Variants in TENM3 observed in about 807,000 individuals in gnomAD.
The protein encoded by TENM3 is teneurin-3.
TENM3 carries 63 observed loss-of-function variants against 255.1 expected under a neutral mutation model. The ratio of observed to expected loss-of-function variants is 0.25; its 90% CI spans 0.20 to 0.30. TENM3 has a LOEUF of 0.30. TENM3 is among the 10% of genes least tolerant of loss of function. TENM3 has a pLI of 1.00. For missense variants in TENM3, 2,929 were observed against 3,461.1 expected, an observed-to-expected ratio of 0.85 and a Z score of 3.86; for synonymous variants, 1,306 against 1,322.3, an observed-to-expected ratio of 0.99 and a Z score of 0.27.
chr4:182,272,529 A>G (rs1352102857), intron 1 of TENM3, among the ~76,000 whole-genome samples: 2 of 152,230 alleles, frequency 1.3e-5, no homozygotes, highest in African/African-American at 2.4e-5. Flanking sequence ...CGACACATAC[A>G]TAAGAACTCA....
At chr4:181,554,931 T>C in the TENM3 span, among the ~76,000 whole-genome samples, 1 of 152,220 alleles carries the variant, frequency 6.6e-6, no homozygotes, top group African/African-American at 2.4e-5. Context: ...AGTTTATTTT[T>C]AATACTTTGA....
intron 5 of TENM3, among the ~76,000 whole-genome samples, chr4:182,642,575 A>G (rs552049613): frequency 2.0e-5 from 3 of 152,346 alleles, no homozygotes; most frequent in Non-Finnish European, 4.4e-5. Flanking sequence ...GATAGCCAAT[A>G]TGATTCTTTT....
chr4:182,102,976 T>C, the TENM3 span, among the ~76,000 whole-genome samples: 4 of 152,182 alleles, frequency 2.6e-5, no homozygotes, highest in Non-Finnish European at 5.9e-5. Context: ...CAGTGGCAAT[T>C]TAAGGAGACA....
chr4:182,210,863 C>G (rs551551606), intron 1 of TENM3, among the ~76,000 whole-genome samples: 21 of 152,130 alleles, frequency 1.4e-4, no homozygotes, highest in Non-Finnish European at 2.8e-4. Context: ...CTCCGTAGAC[C>G]GGTGTGTATC....
intron 3 of TENM3, among the ~76,000 whole-genome samples, chr4:182,449,998 T>G (rs1039355788): frequency 6.6e-6 from 1 of 152,230 alleles, no homozygotes; most frequent in Non-Finnish European, 1.5e-5. Context: ...CTCTGGAATA[T>G]CTTATAAATG....
At chr4:182,625,940 C>T (rs1464397856) in intron 4 of TENM3, among the ~76,000 whole-genome samples, 1 of 152,176 alleles carries the variant, frequency 6.6e-6, no homozygotes, top group East Asian at 1.9e-4. Context: ...CTTTTTGGTA[C>T]TGCTTGTGAG....
At chr4:182,357,403 T>C (rs1448741875) in intron 3 of TENM3, among the ~76,000 whole-genome samples, 3 of 152,138 alleles carry the variant, frequency 2.0e-5, no homozygotes, top group African/African-American at 7.2e-5. Context: ...TTTTAATGAT[T>C]GCCATTCTAA....
At chr4:182,478,373 G>A (rs1370789467) in intron 3 of TENM3, among the ~76,000 whole-genome samples, 1 of 151,614 alleles carries the variant, frequency 6.6e-6, no homozygotes, top group South Asian at 2.1e-4. Context: ...TTGATGTACG[G>A]TACTTTGCTA....
At chr4:182,796,443 C>T (rs914862754) in intron 26 of TENM3, among the ~76,000 whole-genome samples, 194 bp from the exon 27 acceptor site, 9 of 152,328 alleles carry the variant, frequency 5.9e-5, no homozygotes, top group African/African-American at 2.2e-4. Context: ...TAGCATTTGC[C>T]ATAGTTCTGC....
At chr4:181,469,840 T>C in the TENM3 span, among the ~76,000 whole-genome samples, 1 of 152,164 alleles carries the variant, frequency 6.6e-6, no homozygotes, top group African/African-American at 2.4e-5. Context: ...CGTATCTTTA[T>C]ACTTAAGCCT....
At chr4:181,652,282 T>C in the TENM3 span, among the ~76,000 whole-genome samples, 3 of 152,122 alleles carry the variant, frequency 2.0e-5, no homozygotes. Context: ...CCAATCGCAA[T>C]GTTGCACTTT....
the TENM3 span, among the ~76,000 whole-genome samples, chr4:181,981,690 T>A: frequency 5.6e-3 from 853 of 152,172 alleles, 4 homozygotes; most frequent in African/African-American, 0.02. Flanking sequence ...GAATTTATCA[T>A]CTAGGCATGA....
At chr4:181,671,483 T>C in the TENM3 span, among the ~76,000 whole-genome samples, 1 of 152,144 alleles carries the variant, frequency 6.6e-6, no homozygotes, top group Non-Finnish European at 1.5e-5. Context: ...ACTCGTATGA[T>C]TTAGGGCAAG....
chr4:181,713,832 A>G, the TENM3 span, among the ~76,000 whole-genome samples: 6 of 152,194 alleles, frequency 3.9e-5, no homozygotes, highest in Non-Finnish European at 5.9e-5. Context: ...TTATCCTATC[A>G]TACTTCATTT....
chr4:182,563,700 T>C (rs1470455578), intron 3 of TENM3, among the ~76,000 whole-genome samples: 1 of 152,218 alleles, frequency 6.6e-6, no homozygotes, highest in African/African-American at 2.4e-5. Context: ...ATTAAAAGTA[T>C]CTTTTGATCT....
chr4:182,150,937 C>T (rs1750294134), intron 1 of TENM3, among the ~76,000 whole-genome samples: 1 of 151,998 alleles, frequency 6.6e-6, no homozygotes, highest in South Asian at 2.1e-4. Flanking sequence ...GTTCTCTGTT[C>T]CCTCCCCCAA....
chr4:182,688,816 T>A (rs946351724), intron 12 of TENM3, among the ~76,000 whole-genome samples: 7 of 152,076 alleles, frequency 4.6e-5, no homozygotes, highest in Non-Finnish European at 8.8e-5. Flanking sequence ...GCAAAAGAGG[T>A]TTGACTTATT....
the TENM3 span, among the ~76,000 whole-genome samples, chr4:181,882,866 A>G: frequency 1.3e-5 from 2 of 152,218 alleles, no homozygotes; most frequent in Admixed American, 1.3e-4. Context: ...AATGACTTAT[A>G]ATCATCAGAT....
chr4:181,896,823 A>G, the TENM3 span, among the ~76,000 whole-genome samples: 1 of 152,176 alleles, frequency 6.6e-6, no homozygotes, highest in African/African-American at 2.4e-5. Flanking sequence ...CCTCCTCCAC[A>G]TAGCTGGGCT....
Sources: allele counts gnomAD v4.1 joint callset (sites outside exome capture counted in the v4.1 genomes callset), GRCh38; gene constraint gnomAD v4.1.1; transcripts MANE v1.5; gene names NCBI Gene and HGNC (gene_info 2026-07-23, HGNC 2026-07-21).